The following ADGRB3 variants were observed in gnomAD, a reference collection of about 807,000 sequenced individuals.
The protein encoded by ADGRB3 is brain-specific angiogenesis inhibitor 3.
In ADGRB3, 37 loss-of-function variants were observed where a neutral mutation model predicts 193.4. That is an observed-to-expected ratio of 0.19 (90% confidence interval 0.15 to 0.25). The LOEUF (loss-of-function observed/expected upper bound fraction) is 0.25, where lower values mean the gene tolerates loss of function less well. ADGRB3 is among the 10% of genes least tolerant of loss of function. The pLI, the probability that ADGRB3 is intolerant of heterozygous loss-of-function variation, is 1.00. For synonymous variants in ADGRB3, 690 were observed against 644.2 expected (o/e 1.07, Z -1.08); for missense variants, 1,637 against 1,852.9 (o/e 0.88, Z 2.14).
At chr6:69,011,414 G>A (rs1424141235) in intron 11 of ADGRB3, among the ~76,000 whole-genome samples, 2 of 151,936 alleles carry the variant, frequency 1.3e-5, no homozygotes, top group Non-Finnish European at 1.5e-5. Context: ...TTATAAGTGG[G>A]AGCTAAATAT....
chr6:68,748,062 C>G (rs1766119952), intron 3 of ADGRB3, among the ~76,000 whole-genome samples: 1 of 152,156 alleles, frequency 6.6e-6, no homozygotes, highest in African/African-American at 2.4e-5. Flanking sequence ...AGACTGGCCT[C>G]CATGATTCAG....
chr6:68,848,741 T>G (rs1168234203), intron 3 of ADGRB3, among the ~76,000 whole-genome samples: 1 of 152,066 alleles, frequency 6.6e-6, no homozygotes, highest in Non-Finnish European at 1.5e-5. Flanking sequence ...ACGTAAGCAT[T>G]GTTTTTGTTT....
chr6:68,707,293 G>C (rs993240493), intron 3 of ADGRB3, among the ~76,000 whole-genome samples: 2 of 151,988 alleles, frequency 1.3e-5, no homozygotes, highest in African/African-American at 2.4e-5. Flanking sequence ...AATCACATCT[G>C]CTTGAATTGT....
intron 3 of ADGRB3, among the ~76,000 whole-genome samples, chr6:68,668,724 C>T (rs1323791900): frequency 1.3e-5 from 2 of 151,782 alleles, no homozygotes; most frequent in Non-Finnish European, 2.9e-5. Context: ...TTACTGTTAC[C>T]ACTTTTTAAT....
At chr6:68,783,904 C>T (rs992029375) in intron 3 of ADGRB3, among the ~76,000 whole-genome samples, 3 of 151,956 alleles carry the variant, frequency 2.0e-5, no homozygotes, top group African/African-American at 4.8e-5. Context: ...ATGTTACCTT[C>T]GTGTAGTAGA....
At chr6:68,873,657 C>T (rs921929239) in intron 3 of ADGRB3, among the ~76,000 whole-genome samples, 1 of 151,930 alleles carries the variant, frequency 6.6e-6, no homozygotes, top group African/African-American at 2.4e-5. Context: ...AACATTCAAC[C>T]TTAAATTATT....
At chr6:68,863,480 AAAT>A (rs1355060521) in intron 3 of ADGRB3, among the ~76,000 whole-genome samples, 1 of 152,068 alleles carries the variant, frequency 6.6e-6, no homozygotes, top group Non-Finnish European at 1.5e-5. Context: ...TGATTTTAAT[AAAT>A]AATTTATTAA....
At chr6:68,947,142 A>G (rs1449249344) in intron 6 of ADGRB3, among the ~76,000 whole-genome samples, 1 of 152,112 alleles carries the variant, frequency 6.6e-6, no homozygotes, top group Non-Finnish European at 1.5e-5. Flanking sequence ...AGAGCAACAA[A>G]AGGAATTTCC....
chr6:68,832,244 T>G (rs1324473470), intron 3 of ADGRB3, among the ~76,000 whole-genome samples: 1 of 152,186 alleles, frequency 6.6e-6, no homozygotes, highest in East Asian at 1.9e-4. Context: ...GATGTTTAAA[T>G]CTAACACAAT....
At chr6:69,248,092 T>C (rs905506561) in intron 20 of ADGRB3, among the ~76,000 whole-genome samples, 1 of 152,166 alleles carries the variant, frequency 6.6e-6, no homozygotes, top group African/African-American at 2.4e-5. Flanking sequence ...ACAGAAAGGT[T>C]AAAGAATATC....
intron 13 of ADGRB3, among the ~76,000 whole-genome samples, chr6:69,033,267 T>C (rs906902014): frequency 6.6e-6 from 1 of 152,140 alleles, no homozygotes; most frequent in Admixed American, 6.5e-5. Flanking sequence ...AAAGCTATTC[T>C]TCTTTGTAGT....
intron 15 of ADGRB3, among the ~76,000 whole-genome samples, chr6:69,051,365 C>A (rs551181379): frequency 1.2e-4 from 18 of 152,212 alleles, no homozygotes; most frequent in African/African-American, 4.3e-4. Context: ...ATTTTCATTG[C>A]AGAAAGTTTC....
At chr6:69,308,856 A>G (rs1447710666) in intron 20 of ADGRB3, among the ~76,000 whole-genome samples, 13 of 151,696 alleles carry the variant, frequency 8.6e-5, no homozygotes, top group Non-Finnish European at 1.8e-4. Flanking sequence ...AAATAGAAAA[A>G]GAATATTATC....
chr6:69,182,013 G>C (rs148685539), intron 17 of ADGRB3, among the ~76,000 whole-genome samples: 2 of 152,154 alleles, frequency 1.3e-5, no homozygotes, highest in South Asian at 4.2e-4. Context: ...GTTGTTCATC[G>C]CAAAAATTGG....
intron 3 of ADGRB3, among the ~76,000 whole-genome samples, chr6:68,773,065 A>G (rs1310919979): frequency 6.6e-6 from 1 of 151,530 alleles, no homozygotes; most frequent in Non-Finnish European, 1.5e-5. Flanking sequence ...GCAGTGAGCT[A>G]TGATTGCTCC....
chr6:69,023,534 A>T lies in ADGRB3; in HGVS notation c.2107+5035A>T, dbSNP rs1443437704. ...GTTGAAATTGTGCTTGGGGAAAAAA[A>T]TGGCCTATTTTAATAGAAGCACATA... is the stretch of plus-strand genomic sequence containing the variant. On this transcript the variant is annotated intron_variant, in intron 13 of 31. Coordinates refer to ENST00000370598, the MANE Select transcript of ADGRB3 (RefSeq NM_001704.3). Among the ~76,000 whole-genome samples, 4 of 152,148 alleles carry T rather than the reference A, an allele frequency of 2.6e-5. No individual in the cohort carries two copies. In the East Asian group the frequency reaches 7.7e-4, roughly 29 times the overall value.
At chr6:69,141,128 T>TTTG (rs1263672101) in intron 17 of ADGRB3, among the ~76,000 whole-genome samples, 3 of 121,568 alleles carry the variant, frequency 2.5e-5, no homozygotes, top group East Asian at 2.5e-4. Context: ...TCTTTTTTTT[T>TTTG]GGGGGGGGCG....
In ADGRB3 at chr6:69,305,111, T is replaced by C. The variant is rs182579829; in HGVS notation, c.2815-19761T>C. On this transcript the variant is annotated intron_variant, in intron 20 of 31. Coordinates refer to ENST00000370598, the MANE Select transcript of ADGRB3 (RefSeq NM_001704.3). ...ACATGGTAGTTCTTCCTAGAAGGAC[T>C]ATTGTGAAGGCTAGAAATAATACAG... Among the ~76,000 whole-genome samples the C allele has an allele frequency of 2.9e-4, 44 of 151,728 alleles. No individual in the cohort carries two copies. In the East Asian group the frequency reaches 8.6e-3, roughly 30 times the overall value.
intron 3 of ADGRB3, among the ~76,000 whole-genome samples, chr6:68,834,776 A>G (rs1768015552): frequency 6.6e-6 from 1 of 152,184 alleles, no homozygotes; most frequent in East Asian, 1.9e-4. Flanking sequence ...GAGTCACTAA[A>G]GCAAGAAAGT....
Sources: gnomAD v4.1 joint callset for allele counts (sites outside exome capture counted in the v4.1 genomes callset) on GRCh38, gnomAD v4.1.1 for gene constraint, MANE v1.5 for transcripts, NCBI Gene and HGNC (gene_info 2026-07-23, HGNC 2026-07-21) for gene names.